PRKCA: variants seen among roughly 807,000 people sequenced by gnomAD.
PRKCA encodes protein kinase C alpha.
PRKCA carries 27 observed loss-of-function variants against 87.0 expected under a neutral mutation model. The observed-to-expected ratio is 0.31, with a 90% CI of 0.23 to 0.43. The LOEUF is 0.43. PRKCA is among the 20% of genes least tolerant of loss of function. PRKCA has a pLI of 1.00. For missense variants in PRKCA, 518 were observed against 852.3 expected (o/e 0.61, Z 4.88); for synonymous variants, 329 against 311.1 (o/e 1.06, Z -0.61).
At chr17:66,798,293 G>A (rs1438514754) in intron 16 of PRKCA, among the ~76,000 whole-genome samples, 1 of 152,146 alleles carries the variant, frequency 6.6e-6, no homozygotes, top group Non-Finnish European at 1.5e-5. Flanking sequence ...TTCCACATTA[G>A]GAATGCAGTA....
intron 2 of PRKCA, among the ~76,000 whole-genome samples, chr17:66,460,721 G>A (rs1434677621): frequency 6.6e-6 from 1 of 152,162 alleles, no homozygotes; most frequent in African/African-American, 2.4e-5. Context: ...TGTCTCCTTT[G>A]CTGTGGAAGC....
chr17:66,328,051 C>T (rs1906091319), intron 2 of PRKCA, among the ~76,000 whole-genome samples: 1 of 152,168 alleles, frequency 6.6e-6, no homozygotes, highest in African/African-American at 2.4e-5. Flanking sequence ...GGATCAGGAA[C>T]GTCTCTCCTG....
At chr17:66,780,807 C>T (rs548675681) in intron 14 of PRKCA, among the ~76,000 whole-genome samples, 23 of 152,092 alleles carry the variant, frequency 1.5e-4, no homozygotes, top group East Asian at 1.2e-3. Flanking sequence ...ACATAATTTT[C>T]GTTTAAAATA....
chr17:66,520,110 C>G (rs1382356288), intron 3 of PRKCA, among the ~76,000 whole-genome samples: 2 of 149,478 alleles, frequency 1.3e-5, no homozygotes, highest in Admixed American at 6.7e-5. Flanking sequence ...CAGGTACATG[C>G]CATCCACACT....
intron 3 of PRKCA, among the ~76,000 whole-genome samples, chr17:66,565,594 G>A (rs948455629): frequency 3.9e-5 from 6 of 152,194 alleles, no homozygotes; most frequent in Non-Finnish European, 2.9e-5. Context: ...AGGATGCATG[G>A]CCTCTTTCTG....
chr17:66,384,117 G>A (rs1909919023), intron 2 of PRKCA, among the ~76,000 whole-genome samples: 1 of 152,036 alleles, frequency 6.6e-6, no homozygotes, highest in Non-Finnish European at 1.5e-5. Context: ...ATATATGCTT[G>A]ACACACGGAA....
At chr17:66,658,745 A>G (rs1567960265) in intron 5 of PRKCA, among the ~76,000 whole-genome samples, 1 of 152,200 alleles carries the variant, frequency 6.6e-6, no homozygotes, top group Non-Finnish European at 1.5e-5. Context: ...CAGTCACGTT[A>G]AGTCATGTAG....
intron 3 of PRKCA, among the ~76,000 whole-genome samples, chr17:66,516,216 C>T (rs1966965205): frequency 6.6e-6 from 1 of 152,110 alleles, no homozygotes; most frequent in Admixed American, 6.5e-5. Context: ...ATGTGCAGCA[C>T]AGGCTGCGGG....
chr17:66,587,358 G>C (rs568664547), intron 3 of PRKCA, among the ~76,000 whole-genome samples: 2 of 152,004 alleles, frequency 1.3e-5, no homozygotes, highest in Non-Finnish European at 2.9e-5. Context: ...ATCATTTTGT[G>C]TTGTTTTACA....
intron 2 of PRKCA, among the ~76,000 whole-genome samples, chr17:66,367,612 G>T (rs568198005): frequency 1.3e-5 from 2 of 152,264 alleles, no homozygotes; most frequent in South Asian, 4.1e-4. Context: ...GGGGTAAAAT[G>T]GTCTCATCAG....
intron 5 of PRKCA, among the ~76,000 whole-genome samples, chr17:66,649,223 C>G (rs73344611): frequency 6.6e-6 from 1 of 152,326 alleles, no homozygotes; most frequent in South Asian, 2.1e-4. Flanking sequence ...ACAAGTGGTA[C>G]TAAGCAGAGC....
intron 2 of PRKCA, among the ~76,000 whole-genome samples, chr17:66,353,752 T>C (rs553890506): frequency 1.9e-4 from 29 of 152,128 alleles, no homozygotes; most frequent in African/African-American, 5.1e-4. Context: ...ATAGAAACAG[T>C]GTGTAGAAAA....
At chr17:66,329,494 G>C (rs913040011) in intron 2 of PRKCA, among the ~76,000 whole-genome samples, 1 of 152,164 alleles carries the variant, frequency 6.6e-6, no homozygotes, top group African/African-American at 2.4e-5. Context: ...TGAGTGCCTG[G>C]AAGAAGGCAC....
intron 2 of PRKCA, among the ~76,000 whole-genome samples, chr17:66,430,672 G>A (rs892925082): frequency 3.3e-5 from 5 of 151,984 alleles, no homozygotes; most frequent in Admixed American, 3.3e-4. Context: ...TTCATTCATG[G>A]TGCAGAGAAC....
intron 2 of PRKCA, among the ~76,000 whole-genome samples, chr17:66,385,385 C>T (rs925175880): frequency 2.0e-5 from 3 of 152,130 alleles, no homozygotes; most frequent in African/African-American, 7.2e-5. Flanking sequence ...TAATCAGTAG[C>T]CTGGTATTAG....
At chr17:66,540,556 C>A (rs570033130) in intron 3 of PRKCA, among the ~76,000 whole-genome samples, 1 of 152,136 alleles carries the variant, frequency 6.6e-6, no homozygotes, top group Admixed American at 6.5e-5. Context: ...AAGCAGCACT[C>A]GGAGTGGAGT....
intron 3 of PRKCA, among the ~76,000 whole-genome samples, chr17:66,522,800 G>T (rs1190186220): frequency 6.7e-6 from 1 of 150,300 alleles, no homozygotes; most frequent in Admixed American, 6.7e-5. Context: ...GTATGTGTGG[G>T]TCGCTCACTA....
chr17:66,504,803 TCATGTTGGCC>T lies in PRKCA; in HGVS notation c.288+8525_288+8534del, dbSNP rs542732787. Reference sequence around the variant, plus strand: ...AAGTCCATCAGTGTTTTTCTGTTGCTCATGTTGGCCCATGGGAGTTACGTCTCTTGCCTAA... The same window carrying T: ...AAGTCCATCAGTGTTTTTCTGTTGCTCATGGGAGTTACGTCTCTTGCCTAA... On this transcript the variant is annotated intron_variant, in intron 3 of 16. Coordinates refer to ENST00000413366, the MANE Select transcript of PRKCA (RefSeq NM_002737.3). 2.0e-5 allele frequency among the ~76,000 whole-genome samples: 3 copies of T among 152,328 alleles called. No homozygotes were observed. In the East Asian group the frequency reaches 5.8e-4, roughly 29 times the overall value.
At chr17:66,573,883 G>A (rs1364995367) in intron 3 of PRKCA, among the ~76,000 whole-genome samples, 1 of 152,112 alleles carries the variant, frequency 6.6e-6, no homozygotes, top group Non-Finnish European at 1.5e-5. Context: ...CCAGCTCCTC[G>A]GGAGGCTGAG....
Sources: gnomAD v4.1 joint callset for allele counts (sites outside exome capture counted in the v4.1 genomes callset) on GRCh38, gnomAD v4.1.1 for gene constraint, MANE v1.5 for transcripts, NCBI Gene and HGNC (gene_info 2026-07-23, HGNC 2026-07-21) for gene names.